LGSN: variants seen among roughly 807,000 people sequenced by gnomAD.
LGSN encodes the protein lengsin.
LGSN carries 21 observed loss-of-function variants against 19.5 expected under a neutral mutation model. The ratio of observed to expected loss-of-function variants is 1.07; its 90% CI spans 0.76 to 1.55. The LOEUF is 1.55. Ranked by LOEUF, LGSN falls within the 40% of genes most tolerant of loss-of-function variation. The probability of loss-of-function intolerance (pLI) is 0.00; values close to 1 mark genes in which losing one functional copy is unlikely to be tolerated. For missense variants in LGSN, 673 were observed against 608.5 expected (o/e 1.11, Z -1.12); for synonymous variants, 257 against 215.6 (o/e 1.19, Z -1.68).
intron 1 of LGSN, among the ~76,000 whole-genome samples, chr6:63,304,713 T>C (rs954905507): frequency 3.9e-5 from 6 of 152,218 alleles, no homozygotes; most frequent in Non-Finnish European, 7.3e-5. Context: ...GTAGTCATTA[T>C]CATTATCATT....
chr6:63,336,040 G>C, the LGSN span, among the ~76,000 whole-genome samples: 1 of 151,684 alleles, frequency 6.6e-6, no homozygotes, highest in Non-Finnish European at 1.5e-5. Flanking sequence ...TGATCACATA[G>C]AGGTAAAGAC....
chr6:63,481,823 A>T, the LGSN span: 1 of 314,418 alleles, frequency 3.2e-6, no homozygotes, highest in African/African-American at 2.2e-5. Context: ...GGAGGAGCAG[A>T]TCACTGCTTT....
At chr6:63,439,194 G>A in the LGSN span, among the ~76,000 whole-genome samples, 1 of 152,032 alleles carries the variant, frequency 6.6e-6, no homozygotes, top group Admixed American at 6.6e-5. Flanking sequence ...TCACACTCTG[G>A]GGACTGTTGT....
At position 63,276,626 on chromosome 6, in the gene LGSN, T is replaced by A. The variant is rs1037033963; in HGVS notation, c.*3395A>T. On this transcript the variant is annotated 3_prime_UTR_variant, in exon 4 of 4. Coordinates refer to ENST00000370657, the MANE Select transcript of LGSN (RefSeq NM_016571.3). ...AAATAGCTTTTTTCAGCATTAGGTCTACAAAAAAAATTATTTATGTTCTGC... is the reference window on the plus strand; with the variant it reads ...AAATAGCTTTTTTCAGCATTAGGTCAACAAAAAAAATTATTTATGTTCTGC... The A allele has an allele frequency of 2.0e-5, 3 of 152,168 alleles. No individual in the cohort carries two copies. Among genetic ancestry groups the A allele is most frequent in the African/African-American group, 7.2e-5 (3 of 41,450 alleles). 9.4% of individuals were successfully genotyped at this position (152,168 alleles called of 1,614,324 possible).
chr6:63,507,359 C>G, the LGSN span, among the ~76,000 whole-genome samples: 1 of 152,166 alleles, frequency 6.6e-6, no homozygotes. Context: ...GCTACAGAGA[C>G]AGATGACCTG....
At chr6:63,373,986 T>C in the LGSN span, among the ~76,000 whole-genome samples, 9 of 152,176 alleles carry the variant, frequency 5.9e-5, no homozygotes, top group Non-Finnish European at 1.0e-4. Flanking sequence ...CATGGGACAA[T>C]TGACAAAATT....
chr6:63,528,144 G>C, the LGSN span: 1 of 152,138 alleles, frequency 6.6e-6, no homozygotes, highest in Non-Finnish European at 1.5e-5. Flanking sequence ...AGTGGTTGCT[G>C]GGTAACCCAC....
the LGSN span, among the ~76,000 whole-genome samples, chr6:63,540,877 C>A: frequency 6.6e-6 from 1 of 151,218 alleles, no homozygotes. Flanking sequence ...GTGGCGGTCA[C>A]CTATAATCCC....
the LGSN span, among the ~76,000 whole-genome samples, chr6:63,379,868 G>A: frequency 6.6e-6 from 1 of 151,370 alleles, no homozygotes; most frequent in African/African-American, 2.4e-5. Context: ...ATGGAGTCTT[G>A]GTCTTGTTGC....
chr6:63,540,363 G>A, the LGSN span, among the ~76,000 whole-genome samples: 2 of 152,174 alleles, frequency 1.3e-5, no homozygotes, highest in Non-Finnish European at 2.9e-5. Context: ...GGTCACACCT[G>A]TAATCCCAGC....
the LGSN span, among the ~76,000 whole-genome samples, chr6:63,487,133 C>T: frequency 6.6e-6 from 1 of 152,050 alleles, no homozygotes; most frequent in Non-Finnish European, 1.5e-5. Context: ...CCGTGCCTGG[C>T]CTGTTTTTGT....
the LGSN span, among the ~76,000 whole-genome samples, chr6:63,342,519 T>A: frequency 6.6e-6 from 1 of 152,228 alleles, no homozygotes; most frequent in African/African-American, 2.4e-5. Context: ...TAAATAGTTA[T>A]ACTTTATGTC....
chr6:63,365,119 A>T, the LGSN span, among the ~76,000 whole-genome samples: 1 of 152,122 alleles, frequency 6.6e-6, no homozygotes, highest in Non-Finnish European at 1.5e-5. Flanking sequence ...GATGTAAAAA[A>T]CCCTTCAAAA....
chr6:63,559,154 C>G, the LGSN span, among the ~76,000 whole-genome samples: 1 of 152,010 alleles, frequency 6.6e-6, no homozygotes, highest in Non-Finnish European at 1.5e-5. Context: ...TTTGACTTCA[C>G]CAAAATCAGT....
At chr6:63,423,694 C>A in the LGSN span, among the ~76,000 whole-genome samples, 1 of 151,050 alleles carries the variant, frequency 6.6e-6, no homozygotes, top group African/African-American at 2.4e-5. Context: ...GAAATAATCC[C>A]AAATGTGCAT....
At chr6:63,502,475 A>G in the LGSN span, among the ~76,000 whole-genome samples, 5 of 152,210 alleles carry the variant, frequency 3.3e-5, 1 homozygote, top group South Asian at 1.0e-3. Flanking sequence ...TGGTAGGGAA[A>G]AAAATGAGCC....
rs1767925251 is a variant in LGSN at position 63,294,998 on chromosome 6, G to C, written c.78C>G (p.Asn26Lys). 6.2e-7 allele frequency: 1 copy of C among 1,613,410 alleles called. No homozygotes were observed. The highest frequency in any genetic ancestry group is 1.7e-5 in the Admixed American group (1 of 60,012). Residue 26 changes from asparagine (N) to lysine (K), a missense_variant, in exon 2 of 4, where the codon AAC (asparagine) becomes AAG (lysine). Asn to Lys is a moderately conservative substitution (Grantham distance 94). Coordinates refer to ENST00000370657, the MANE Select transcript of LGSN (RefSeq NM_016571.3). ...CTTTCTTCCTTGTCCTTCTTAATGT[G>C]TTCATGCTGTTGGCTTCAGTCTCAT... Reference protein sequence around the residue: ...EGNETEANSMNTLRRTRKKVT... With the variant: ...EGNETEANSMKTLRRTRKKVT...
At chr6:63,459,051 G>C in the LGSN span, among the ~76,000 whole-genome samples, 1 of 152,148 alleles carries the variant, frequency 6.6e-6, no homozygotes. Context: ...ACTTGCTTTA[G>C]AGTGTTTTCC....
chr6:63,440,664 G>T, the LGSN span: 11 of 152,358 alleles, frequency 7.2e-5, no homozygotes, highest in African/African-American at 2.4e-4. Context: ...CTCAGGTGTG[G>T]TGGGTTGGGT....
Sources: gnomAD v4.1 joint callset for allele counts (sites outside exome capture counted in the v4.1 genomes callset) on GRCh38, gnomAD v4.1.1 for gene constraint, MANE v1.5 for transcripts, NCBI Gene and HGNC (gene_info 2026-07-23, HGNC 2026-07-21) for gene names.